Variants in CPD observed in about 807,000 individuals in gnomAD.
CPD encodes metallocarboxypeptidase D.
Under a neutral mutation model 138.3 loss-of-function variants are expected in CPD, and 69 were observed. That is an observed-to-expected ratio of 0.50 (90% CI 0.41 to 0.61). The LOEUF (loss-of-function observed/expected upper bound fraction) is 0.61, where lower values mean the gene tolerates loss of function less well. CPD is among the 20% of genes least tolerant of loss of function. The pLI is 0.00. For missense variants in CPD, 1,432 were observed against 1,733.3 expected, an observed-to-expected ratio of 0.83 and a Z score of 3.09; for synonymous variants, 651 against 642.1, an observed-to-expected ratio of 1.01 and a Z score of -0.21.
At chr17:30,401,297 C>T (rs1047871326) in intron 2 of CPD, among the ~76,000 whole-genome samples, 4 of 151,360 alleles carry the variant, frequency 2.6e-5, no homozygotes, top group Non-Finnish European at 5.9e-5. Flanking sequence ...CCTCTTTCTC[C>T]TCTTACTCCT....
chr17:30,462,444 A>G lies in CPD; in HGVS notation c.3891A>G (p.Pro1297=). Reference sequence around the variant, plus strand: ...CAGATAACCGGATATTTGGTTTGCCAAGGGAGCTTGTGGTAACTGTATCAG... The same window carrying G: ...CAGATAACCGGATATTTGGTTTGCCGAGGGAGCTTGTGGTAACTGTATCAG... ...FDTDNRIFGL[P]RELVVTVSGA... Residue 1297 remains proline (P), a synonymous_variant, in exon 20 of 21, where the codon CCA becomes CCG. Transcript: ENST00000225719. The G allele has an allele frequency of 6.2e-7, 1 of 1,613,906 alleles. No homozygotes were observed. The highest frequency in any genetic ancestry group is 1.1e-5 in the South Asian group (1 of 91,080).
Position 30,465,906 on chromosome 17 carries a change from C to T in CPD, c.*1092C>T, listed in dbSNP as rs1913623812. ...CTTGACCGGTCTTGTTCACATAGGC[C>T]TCTGGGAGTGATTTGGTTCTTTGCC... On this transcript the variant is annotated 3_prime_UTR_variant, in exon 21 of 21. Transcript: ENST00000225719. 1 of 152,516 alleles carries T rather than the reference C, an allele frequency of 6.6e-6. No homozygotes were observed. Among genetic ancestry groups the T allele is most frequent in the African/African-American group, 2.4e-5 (1 of 41,444 alleles). The allele number at this position is 152,516 out of a possible 1,614,324, so 9.4% of individuals were successfully genotyped here. A position where few individuals can be genotyped will look rare whatever the true frequency, so the allele number is the denominator to read the frequency against.
chr17:30,458,968 G>A (rs536100307), intron 17 of CPD, among the ~76,000 whole-genome samples: 18 of 151,588 alleles, frequency 1.2e-4, no homozygotes, highest in Admixed American at 3.9e-4. Context: ...GTTCAACTTC[G>A]TTTGTTTGTA....
At chr17:30,387,514 TAAC>T (rs1911224364) in intron 2 of CPD, among the ~76,000 whole-genome samples, 2 of 152,246 alleles carry the variant, frequency 1.3e-5, no homozygotes, top group Non-Finnish European at 2.9e-5. Flanking sequence ...CTTTGAATAA[TAAC>T]GTTTTTGTTT....
chr17:30,438,913 CA>C lies in CPD; in HGVS notation c.2128-61del, dbSNP rs556146905. The C allele has an allele frequency of 2.4e-5, 25 of 1,035,614 alleles. No individual in the cohort carries two copies. The Admixed American group carries it at 5.0e-4, about 21-fold the overall frequency. 64.2% of individuals were successfully genotyped at this position (1,035,614 alleles called of 1,614,324 possible). A position where few individuals can be genotyped will look rare whatever the true frequency, so the allele number is the denominator to read the frequency against. On this transcript the variant is annotated intron_variant, in intron 8 of 20. Coordinates refer to ENST00000225719, the MANE Select transcript of CPD (RefSeq NM_001304.5). ...CTTTTATTATTTTCCTGTATCTTTC[CA>C]GTATTTTTTTTTGATGGAGATACAA... is the stretch of plus-strand genomic sequence containing the variant.
At chr17:30,385,676 A>G (rs1275060005) in intron 2 of CPD, among the ~76,000 whole-genome samples, 1 of 151,984 alleles carries the variant, frequency 6.6e-6, no homozygotes, top group Non-Finnish European at 1.5e-5. Flanking sequence ...TGAGAAATCA[A>G]TGATAATTTA....
chr17:30,409,225 T>G (rs1297787678), intron 2 of CPD, among the ~76,000 whole-genome samples: 4 of 152,240 alleles, frequency 2.6e-5, no homozygotes, highest in Non-Finnish European at 5.9e-5. Context: ...TCGTGGTGGA[T>G]AAGCTTTTTG....
chr17:30,408,166 G>A (rs1911856850), intron 2 of CPD, among the ~76,000 whole-genome samples: 1 of 147,338 alleles, frequency 6.8e-6, no homozygotes, highest in Non-Finnish European at 1.5e-5. Flanking sequence ...GTTCTGTTCT[G>A]TATCTGTTTT....
Position 30,449,762 on chromosome 17 carries a change from C to A in CPD, c.3069+14C>A. 3.3e-6 allele frequency: 5 copies of A among 1,533,976 alleles called. No homozygotes were observed. Among genetic ancestry groups the A allele is most frequent in the Non-Finnish European group, 4.3e-6 (5 of 1,149,452 alleles). On this transcript the variant is annotated intron_variant, in intron 13 of 20. Coordinates refer to ENST00000225719, the MANE Select transcript of CPD (RefSeq NM_001304.5). ...GCTGTTACCCAAGTAAGAGAATAGC[C>A]GAGGTTGACATGCTTTAAAAGGAAA...
At chr17:30,396,041 C>G (rs1242276731) in intron 2 of CPD, among the ~76,000 whole-genome samples, 1 of 152,006 alleles carries the variant, frequency 6.6e-6, no homozygotes, top group Non-Finnish European at 1.5e-5. Context: ...GATTTTCCAC[C>G]TAAAATTTTT....
chr17:30,448,958 A>C (rs1263026339), intron 12 of CPD, among the ~76,000 whole-genome samples: 1 of 151,986 alleles, frequency 6.6e-6, no homozygotes, highest in African/African-American at 2.4e-5. Flanking sequence ...TTTTTAAAAA[A>C]TTAGCTAGGC....
At chr17:30,458,727 G>A (rs1320276483) in intron 17 of CPD, among the ~76,000 whole-genome samples, 2 of 152,148 alleles carry the variant, frequency 1.3e-5, no homozygotes, top group Admixed American at 6.5e-5. Flanking sequence ...TAGCCAGGCT[G>A]TAGTGCTGCG....
At chr17:30,421,592 GGT>G in intron 3 of CPD, 70 bp from the exon 4 acceptor site, 1 of 1,292,594 alleles carries the variant, frequency 7.7e-7, no homozygotes, top group East Asian at 2.3e-5. Context: ...TTCTAGTATC[GGT>G]GCAGAGAGAA....
At chr17:30,446,190 T>G (rs891219904) in intron 12 of CPD, among the ~76,000 whole-genome samples, 170 bp downstream of exon 12, 16 of 152,186 alleles carry the variant, frequency 1.1e-4, no homozygotes, top group Admixed American at 2.0e-4. Flanking sequence ...TTTTTTTTAA[T>G]TATGCTTTAA....
intron 11 of CPD, 185 bp downstream of exon 11, chr17:30,444,156 AAG>A: frequency 2.1e-6 from 1 of 474,970 alleles, no homozygotes; most frequent in Non-Finnish European, 3.7e-6. Context: ...AAAAAAAAAA[AAG>A]GAAAGATTCC....
At chr17:30,434,993 AAAT>A (rs1218676547) in intron 8 of CPD, among the ~76,000 whole-genome samples, 1 of 152,192 alleles carries the variant, frequency 6.6e-6, no homozygotes, top group African/African-American at 2.4e-5. Flanking sequence ...CATTAGCAAA[AAAT>A]AATCGAGAAG....
Position 30,400,952 on chromosome 17 carries a change from C to A in CPD, c.994+15716C>A, listed in dbSNP as rs567974889. ...TCGGCCTCCCAGAGTGCTGGGATTA[C>A]AGGCGTGAGCCACTGCACCCGGCCT... On this transcript the variant is annotated intron_variant, in intron 2 of 20. Transcript: ENST00000225719. Among the ~76,000 whole-genome samples, 156 of 151,736 alleles carry A rather than the reference C, an allele frequency of 1.0e-3. 7 individuals carry two copies. The South Asian group carries it at 0.029, about 29-fold the overall frequency.
At chr17:30,455,745 A>G (rs959673391) in intron 15 of CPD, 21 of 326,050 alleles carry the variant, frequency 6.4e-5, no homozygotes, top group Non-Finnish European at 1.1e-4. Flanking sequence ...GTCTGTAAAT[A>G]TTGAGAATAT....
At chr17:30,417,823 A>T (rs568202962) in intron 2 of CPD, among the ~76,000 whole-genome samples, 1 of 151,334 alleles carries the variant, frequency 6.6e-6, no homozygotes. Context: ...ATGAAATGCC[A>T]TTTTTTTTTA....
Sources: allele counts gnomAD v4.1 joint callset (sites outside exome capture counted in the v4.1 genomes callset), GRCh38; gene constraint gnomAD v4.1.1; transcripts MANE v1.5; gene names NCBI Gene and HGNC (gene_info 2026-07-23, HGNC 2026-07-21).